NAV1: variants seen among roughly 807,000 people sequenced by gnomAD.
NAV1 encodes the protein pore membrane and/or filament interacting like protein 3.
A neutral mutation model predicts 175.2 loss-of-function variants in NAV1; 18 were observed. The observed-to-expected ratio is 0.10, with a 90% CI of 0.07 to 0.15. The LOEUF (loss-of-function observed/expected upper bound fraction) is 0.15. NAV1 is among the 10% of genes least tolerant of loss of function. The pLI, the probability that NAV1 is intolerant of heterozygous loss-of-function variation, is 1.00. For missense variants in NAV1, 1,731 were observed against 2,436.6 expected (o/e 0.71, Z 6.10); for synonymous variants, 897 against 978.7 (o/e 0.92, Z 1.56).
At chr1:201,642,830 C>T (rs948355149) in intron 2 of NAV1, among the ~76,000 whole-genome samples, 10 of 150,740 alleles carry the variant, frequency 6.6e-5, no homozygotes, top group Admixed American at 2.0e-4. Flanking sequence ...AGTGCAGTGG[C>T]GCCATCTCGG....
At chr1:201,729,597 G>T (rs1201123223) in intron 3 of NAV1, among the ~76,000 whole-genome samples, 1 of 148,536 alleles carries the variant, frequency 6.7e-6, no homozygotes, top group Non-Finnish European at 1.5e-5. Context: ...GCAGAGATCG[G>T]ACTCCATCTT....
intron 15 of NAV1, among the ~76,000 whole-genome samples, chr1:201,800,841 T>TTA (rs869279679): frequency 1.6e-5 from 2 of 121,538 alleles, no homozygotes; most frequent in East Asian, 2.8e-4. Flanking sequence ...TTTTTTTTTT[T>TTA]AGACAGGGTC....
rs566214709 is a variant in NAV1, at chr1:201,562,171, A to ATTTTTTTTTTT, written c.-144+22836_-144+22846dup. ...AGGCACACACCACCTTGCCTGGCTAATTTTTTTTTTTTTTTTTGTAGAGAC... is the reference window on the plus strand; with the variant it reads ...AGGCACACACCACCTTGCCTGGCTAATTTTTTTTTTTTTTTTTTTTTTTTTTTTGTAGAGAC... On this transcript the variant is annotated intron_variant, in intron 1 of 33. Transcript: ENST00000685211. Among the ~76,000 whole-genome samples the ATTTTTTTTTTT allele has an allele frequency of 1.1e-3, 138 of 127,246 alleles. 4 individuals carry two copies. Among genetic ancestry groups the ATTTTTTTTTTT allele is most frequent in the African/African-American group, 4.2e-3 (130 of 30,804 alleles). The allele number at this position is 127,246 out of a possible 152,430, so 83.5% of individuals were successfully genotyped here.
At chr1:201,707,348 GA>G (rs1263567241) in intron 1 of NAV1, among the ~76,000 whole-genome samples, 1 of 152,180 alleles carries the variant, frequency 6.6e-6, no homozygotes, top group African/African-American at 2.4e-5. Flanking sequence ...ACCATTTATA[GA>G]GCACCTACTC....
chr1:201,582,433 A>G (rs1228132983), intron 1 of NAV1, among the ~76,000 whole-genome samples: 1 of 152,172 alleles, frequency 6.6e-6, no homozygotes, highest in Non-Finnish European at 1.5e-5. Context: ...GGATATTGCT[A>G]TGACACCTCC....
At chr1:201,592,714 C>T (rs888999140) in intron 2 of NAV1, among the ~76,000 whole-genome samples, 3 of 151,986 alleles carry the variant, frequency 2.0e-5, no homozygotes, top group African/African-American at 7.3e-5. Flanking sequence ...CAATTGTACC[C>T]AGCAGGGAAT....
chr1:201,740,006 C>T lies in NAV1; in HGVS notation c.1226+21251C>T, dbSNP rs767840529. 1 of 1,466,368 alleles carries T rather than the reference C, an allele frequency of 6.8e-7. No homozygotes were observed. Among genetic ancestry groups the T allele is most frequent in the Non-Finnish European group, 9.0e-7 (1 of 1,106,638 alleles). 90.8% of individuals were successfully genotyped at this position (1,466,368 alleles called of 1,614,324 possible). On this transcript the variant is annotated intron_variant, in intron 3 of 29. Coordinates refer to ENST00000367296, the Ensembl canonical transcript of NAV1. The surrounding 1 kb of genome is among the most constrained non-coding windows in gnomAD (Gnocchi z 4.7). ...CGCTGGGTGCCCACCCGGTGAATGGCCGCCTGAGCCGGGGAAGATGCTTCA... is the reference window on the plus strand; with the variant it reads ...CGCTGGGTGCCCACCCGGTGAATGGTCGCCTGAGCCGGGGAAGATGCTTCA...
rs550697195 is a variant in NAV1, at chr1:201,793,817, A to G, written c.3347A>G (p.Gln1116Arg). Reference sequence around the variant, plus strand: ...GCTAATCTGGTGGCTGCTTTTGAGCAGAGCCTGGTGAATATGACATCCCGC... The same window carrying G: ...GCTAATCTGGTGGCTGCTTTTGAGCGGAGCCTGGTGAATATGACATCCCGC... Residue 1116 changes from glutamine to arginine, a missense_variant, in exon 14 of 30, where the codon CAG becomes CGG. Physicochemically the swap from Gln to Arg is conservative, Grantham distance 43. Around this residue, in one of 13 missense-constraint regions of NAV1, gnomAD observed 85 missense variants for 168.7 expected, o/e 0.50. Transcript: ENST00000367296. 25 of 1,549,114 alleles carry G rather than the reference A, an allele frequency of 1.6e-5. No individual in the cohort carries two copies. The South Asian group carries it at 2.8e-4, about 17-fold the overall frequency.
At chr1:201,666,520 G>A (rs1003724233) in intron 1 of NAV1, among the ~76,000 whole-genome samples, 1 of 152,168 alleles carries the variant, frequency 6.6e-6, no homozygotes, top group African/African-American at 2.4e-5. Flanking sequence ...AACAAGAAGA[G>A]CAAGAAGGAC....
rs1006940239 is a variant in NAV1, at chr1:201,810,425, T to C, written c.4562-98T>C. The C allele has an allele frequency of 4.2e-6, 5 of 1,197,952 alleles. No homozygotes were observed. The African/African-American group carries it at 7.7e-5, about 18-fold the overall frequency. 74.2% of individuals were successfully genotyped at this position (1,197,952 alleles called of 1,614,324 possible). On this transcript the variant is annotated intron_variant, in intron 23 of 29. Transcript: ENST00000367296. This position sits in a 1 kb window ranked among gnomAD's most constrained non-coding sequence, Gnocchi z 6.0. ...ATGGGGCAAGTGGCTCTGAGTTTCT[T>C]CAGGGGGCTCCTAGATAAAGAAAGA...
chr1:201,615,599 G>C (rs1160659333), intron 2 of NAV1, among the ~76,000 whole-genome samples: 1 of 152,098 alleles, frequency 6.6e-6, no homozygotes, highest in African/African-American at 2.4e-5. Flanking sequence ...CTATGTGCCA[G>C]TCACCAAGCT....
chr1:201,564,881 A>G (rs945192200), intron 1 of NAV1, among the ~76,000 whole-genome samples: 2 of 152,186 alleles, frequency 1.3e-5, no homozygotes, highest in Non-Finnish European at 2.9e-5. Context: ...CCATCTTCAA[A>G]GTCAGCAACA....
At chr1:201,732,942 G>A (rs935381976) in intron 3 of NAV1, among the ~76,000 whole-genome samples, 10 of 151,986 alleles carry the variant, frequency 6.6e-5, no homozygotes, top group Non-Finnish European at 1.2e-4. Context: ...ATGGTGGCGC[G>A]TGCCTGTAAT....
intron 2 of NAV1, among the ~76,000 whole-genome samples, chr1:201,596,840 T>C (rs1214823960): frequency 6.6e-6 from 1 of 151,664 alleles, no homozygotes; most frequent in African/African-American, 2.4e-5. Flanking sequence ...TTTGTTTGTT[T>C]CTGAGATGGA....
intron 2 of NAV1, among the ~76,000 whole-genome samples, chr1:201,632,570 G>T (rs1668507936): frequency 6.6e-6 from 1 of 152,280 alleles, no homozygotes; most frequent in Non-Finnish European, 1.5e-5. Context: ...GTGAGGCTGT[G>T]TGCAGGAGGA....
rs759706698 is a variant in NAV1 at position 201,812,582 on chromosome 1, G to T, written c.5142G>T (p.Arg1714=). 8.1e-6 allele frequency: 13 copies of T among 1,614,178 alleles called. No individual in the cohort carries two copies. In the East Asian group the frequency reaches 2.9e-4, roughly 36 times the overall value. Residue 1714 remains arginine (R), a synonymous_variant, in exon 27 of 30, where the codon CGG becomes CGT. Transcript: ENST00000367296. This position sits in a 1 kb window ranked among gnomAD's most constrained non-coding sequence, Gnocchi z 4.6. ...ATGCCAACAAGGAAGAGCTGCTTCG[G>T]GTGCTCGACTGGGTACCCAAGCTGT... is the stretch of plus-strand genomic sequence containing the variant.
chr1:201,738,489 G>A (rs893460139), intron 3 of NAV1, among the ~76,000 whole-genome samples: 2 of 152,104 alleles, frequency 1.3e-5, no homozygotes, highest in Non-Finnish European at 2.9e-5. Flanking sequence ...GGGCAGAGGG[G>A]CTGTACAGTT....
chr1:201,809,078 G>GT (rs1342312776), intron 20 of NAV1, 86 bp from the exon 25 acceptor site: 4 of 1,425,870 alleles, frequency 2.8e-6, no homozygotes, highest in Non-Finnish European at 3.9e-6. Context: ...GGCAAACAGA[G>GT]TTATTTTGGA....
intron 3 of NAV1, among the ~76,000 whole-genome samples, chr1:201,722,682 T>C (rs1307782124): frequency 6.8e-6 from 1 of 147,842 alleles, no homozygotes; most frequent in Non-Finnish European, 1.5e-5. Context: ...TGTTTGTTTG[T>C]TTTGAGGAAC....
Sources: gnomAD v4.1 joint callset for allele counts (sites outside exome capture counted in the v4.1 genomes callset) on GRCh38, gnomAD v4.1.1 for gene constraint, gnomAD v4.1.1 regional missense constraint, Gnocchi (gnomAD v3.1) non-coding constraint, MANE v1.5 for transcripts, NCBI Gene and HGNC (gene_info 2026-07-23, HGNC 2026-07-21) for gene names.